The following ELFN2 variants were observed in gnomAD, a reference collection of about 807,000 sequenced individuals.
ELFN2 encodes the protein extracellular leucine rich repeat and fibronectin type III domain containing 2.
ELFN2 carries 17 observed loss-of-function variants against 45.5 expected under a neutral mutation model. The ratio of observed to expected loss-of-function variants is 0.37; its 90% CI spans 0.26 to 0.56. ELFN2 has a LOEUF of 0.56. Ranked by LOEUF, ELFN2 falls within the 20% of genes least tolerant of loss-of-function variation. ELFN2 has a pLI of 0.77. For synonymous variants in ELFN2, 550 were observed against 551.5 expected (o/e 1.00, Z 0.04); for missense variants, 922 against 1,183.2 (o/e 0.78, Z 3.24).
intron 2 of ELFN2, among the ~76,000 whole-genome samples, chr22:37,379,353 G>A (rs1336471768): frequency 2.6e-5 from 4 of 152,176 alleles, no homozygotes; most frequent in East Asian, 1.9e-4. Context: ...CAGCTGTGGG[G>A]CGCAGAGGCC....
intron 1 of ELFN2, chr22:37,352,172 G>C (rs960770549): frequency 3.3e-5 from 5 of 151,128 alleles, no homozygotes; most frequent in Non-Finnish European, 7.4e-5. Context: ...GACGCCGATG[G>C]TTCACCCAAC....
intron 2 of ELFN2, among the ~76,000 whole-genome samples, chr22:37,398,476 C>T (rs578181095): frequency 2.0e-5 from 3 of 152,154 alleles, no homozygotes; most frequent in African/African-American, 4.8e-5. Context: ...CCTGTCCGGC[C>T]CCTTCCCCCT....
intron 1 of ELFN2, among the ~76,000 whole-genome samples, chr22:37,424,442 A>T (rs1932833061): frequency 6.6e-6 from 1 of 152,086 alleles, no homozygotes; most frequent in Non-Finnish European, 1.5e-5. Flanking sequence ...AGGCTTGCTG[A>T]GTGTGCCCGT....
At chr22:37,392,825 C>T (rs941008302) in intron 2 of ELFN2, among the ~76,000 whole-genome samples, 10 of 152,152 alleles carry the variant, frequency 6.6e-5, no homozygotes, top group Non-Finnish European at 7.4e-5. Flanking sequence ...CTGGTTTATC[C>T]GACTTCCCAG....
At chr22:37,346,644 C>G (rs1930702500) in intron 1 of ELFN2, among the ~76,000 whole-genome samples, 1 of 152,162 alleles carries the variant, frequency 6.6e-6, no homozygotes, top group Non-Finnish European at 1.5e-5. Context: ...TTCCTCTGCC[C>G]TTGGCTGGAA....
Position 37,373,342 on chromosome 22 carries a change from G to C in ELFN2, c.2193C>G (p.Leu731=). The change falls in exon 3 of 3, where the codon CTC becomes CTG. Residue 731 remains leucine (L), a synonymous_variant. Transcript: ENST00000402918. The stretch of plus-strand genomic sequence containing the variant: ...CACGCTTGGAGCGGGTCAGCGGCTT[G>C]AGGAAGGACACGCGCTGGCTCAGGC... ...ADSLSQRVSF[L]KPLTRSKRDS... is the part of the protein sequence containing the mutation. 6.2e-7 allele frequency: 1 copy of C among 1,613,496 alleles called. No individual in the cohort carries two copies. The highest frequency in any genetic ancestry group is 2.2e-5 in the East Asian group (1 of 44,868).
At chr22:37,426,206 G>GC (rs1188804466) in intron 1 of ELFN2, among the ~76,000 whole-genome samples, 2 of 152,170 alleles carry the variant, frequency 1.3e-5, no homozygotes, top group African/African-American at 4.8e-5. Flanking sequence ...TGCAGAAAGT[G>GC]CCGAGTACCA....
chr22:37,405,112 T>TTTTTTA (rs1335716866), intron 2 of ELFN2, among the ~76,000 whole-genome samples: 5 of 146,886 alleles, frequency 3.4e-5, no homozygotes, highest in Non-Finnish European at 6.0e-5. Flanking sequence ...TTTTTTTTTT[T>TTTTTTA]GAGACGGAGT....
At chr22:37,345,843 G>C (rs2145608919) in intron 1 of ELFN2, among the ~76,000 whole-genome samples, 1 of 152,296 alleles carries the variant, frequency 6.6e-6, no homozygotes, top group East Asian at 1.9e-4. Flanking sequence ...ACCACACCCG[G>C]CCATGGCCTC....
intron 1 of ELFN2, among the ~76,000 whole-genome samples, chr22:37,349,507 C>A (rs1341540171): frequency 6.6e-6 from 1 of 151,258 alleles, no homozygotes; most frequent in Non-Finnish European, 1.5e-5. Flanking sequence ...CCTACAGCCA[C>A]ACACTCCAAT....
rs1239438350 is a variant in ELFN2, at chr22:37,368,274, G to T, written c.*4798C>A. 1 of 152,436 alleles carries T rather than the reference G, an allele frequency of 6.6e-6. No individual in the cohort carries two copies. Among genetic ancestry groups the T allele is most frequent in the African/African-American group, 2.4e-5 (1 of 41,464 alleles). 9.4% of individuals were successfully genotyped at this position (152,436 alleles called of 1,614,324 possible). On this transcript the variant is annotated 3_prime_UTR_variant, in exon 3 of 3. Transcript: ENST00000402918. ...ACCACAGCCAACTTGGGGACTGGCG[G>T]CTCCTGAGGAAGGGAGGGAGGGAGG...
At chr22:37,389,322 C>T (rs1932034883) in intron 2 of ELFN2, among the ~76,000 whole-genome samples, 1 of 152,078 alleles carries the variant, frequency 6.6e-6, no homozygotes, top group South Asian at 2.1e-4. Flanking sequence ...CCCCTCTCTC[C>T]CTCTCTAAGC....
chr22:37,390,040 A>C (rs939962465), intron 2 of ELFN2, among the ~76,000 whole-genome samples: 13 of 152,162 alleles, frequency 8.5e-5, no homozygotes, highest in African/African-American at 2.2e-4. Flanking sequence ...TGGAACATTC[A>C]GACTTAGATG....
chr22:37,398,365 G>C (rs1046801617), intron 2 of ELFN2, among the ~76,000 whole-genome samples: 1 of 152,016 alleles, frequency 6.6e-6, no homozygotes, highest in Non-Finnish European at 1.5e-5. Flanking sequence ...GCCACCTGCC[G>C]TGCCTCTCCT....
At chr22:37,349,451 G>GC (rs1169428897) in intron 1 of ELFN2, among the ~76,000 whole-genome samples, 2 of 151,190 alleles carry the variant, frequency 1.3e-5, no homozygotes, top group Non-Finnish European at 3.0e-5. Flanking sequence ...TTCCTGAGAG[G>GC]CCCCCCAGGG....
At chr22:37,400,876 C>T (rs1461938243) in intron 2 of ELFN2, among the ~76,000 whole-genome samples, 1 of 152,260 alleles carries the variant, frequency 6.6e-6, no homozygotes, top group Non-Finnish European at 1.5e-5. Flanking sequence ...TCACTACACA[C>T]CTGGAAGGGA....
At chr22:37,365,207 T>C (rs959053736), downstream of ELFN2, among the ~76,000 whole-genome samples, 3 of 133,480 alleles carry the variant, frequency 2.2e-5, no homozygotes, top group Non-Finnish European at 5.0e-5. Flanking sequence ...TGAGATCCAG[T>C]GATCCCCCAA....
rs188757843 is a variant in ELFN2, at chr22:37,377,754, G to C, written c.-462-1758C>G. Reference sequence around the variant, plus strand: ...CCCCAGTCGCTACAGAACCAGCTTGGGGGCACCACAAGGCAGCCAGGCAGG... The same window carrying C: ...CCCCAGTCGCTACAGAACCAGCTTGCGGGCACCACAAGGCAGCCAGGCAGG... On this transcript the variant is annotated intron_variant, in intron 2 of 2. Coordinates refer to ENST00000402918, the MANE Select transcript of ELFN2 (RefSeq NM_052906.5). Among the ~76,000 whole-genome samples, 58 of 152,352 alleles carry C rather than the reference G, an allele frequency of 3.8e-4. No homozygotes were observed. In the East Asian group the frequency reaches 0.011, roughly 28 times the overall value.
rs1346103981 is a variant in ELFN2 at position 37,343,346 on chromosome 22, G to A, written n.149-643C>T. Among the ~76,000 whole-genome samples the A allele has an allele frequency of 5.3e-5, 8 of 152,168 alleles. No individual in the cohort carries two copies. The South Asian group carries it at 1.7e-3, about 32-fold the overall frequency. On this transcript the variant is annotated intron_variant and non_coding_transcript_variant, in intron 1 of 2. Transcript: ENST00000452946. ...CGAATGGGTGGCTTTGGAACAACCT[G>A]CCCTCCCTGAGCCTCAGTTTCCCCA...
Sources: allele counts gnomAD v4.1 joint callset (sites outside exome capture counted in the v4.1 genomes callset), GRCh38; gene constraint gnomAD v4.1.1; transcripts MANE v1.5; gene names NCBI Gene and HGNC (gene_info 2026-07-23, HGNC 2026-07-21).